Variants in ILDR1 observed in about 807,000 individuals in gnomAD.
ILDR1 encodes immunoglobulin-like domain-containing receptor 1.
A neutral mutation model predicts 62.4 loss-of-function variants in ILDR1; 56 were observed. That is an observed-to-expected ratio of 0.90 (90% CI 0.72 to 1.12). The LOEUF is 1.12. ILDR1 is among the 50% of genes most tolerant of loss of function. The probability of loss-of-function intolerance (pLI) is 0.00; values close to 1 mark genes in which losing one functional copy is unlikely to be tolerated. For synonymous variants in ILDR1, 284 were observed against 277.8 expected, an observed-to-expected ratio of 1.02 and a Z score of -0.22; for missense variants, 736 against 710.6, an observed-to-expected ratio of 1.04 and a Z score of -0.41.
chr3:122,049,517 T>C, the ILDR1 span, among the ~76,000 whole-genome samples: 1 of 152,232 alleles, frequency 6.6e-6, no homozygotes, highest in African/African-American at 2.4e-5. Flanking sequence ...ATTTCTCCCT[T>C]CAGTTCTGCC....
the ILDR1 span, among the ~76,000 whole-genome samples, chr3:122,059,559 A>T: frequency 6.6e-6 from 1 of 151,994 alleles, no homozygotes; most frequent in African/African-American, 2.4e-5. Flanking sequence ...AAAGAAAGAA[A>T]TCAAGTGGGG....
rs560987907 is a variant in ILDR1, at chr3:122,008,942, C to CT, written c.59-1782dup. On this transcript the variant is annotated intron_variant, in intron 1 of 7. Transcript: ENST00000344209. Reference sequence around the variant, plus strand: ...TTTTTCTTTCTTTCTTTCTTTTTTTCTTTTTTTTTGAGATACAGTCTTGCT... The same window carrying CT: ...TTTTTCTTTCTTTCTTTCTTTTTTTCTTTTTTTTTTGAGATACAGTCTTGCT... Among the ~76,000 whole-genome samples, 233 of 149,084 alleles carry CT rather than the reference C, an allele frequency of 1.6e-3. 3 individuals are homozygous for CT. The highest frequency in any genetic ancestry group is 6.3e-3 in the East Asian group (32 of 5,074).
chr3:122,006,882 T>C lies in ILDR1; in HGVS notation c.229+109A>G. 2.5e-6 allele frequency: 3 copies of C among 1,193,552 alleles called. No homozygotes were observed. In the East Asian group the frequency reaches 7.7e-5, roughly 30 times the overall value. The allele number at this position is 1,193,552 out of a possible 1,614,324, so 73.9% of individuals were successfully genotyped here. A position where few individuals can be genotyped will look rare whatever the true frequency, so the allele number is the denominator to read the frequency against. ...ACTACATTAGGTGATCTTTGTGTCTTCTCCTCACTACCAAGATTTGTAATC... is the reference window on the plus strand; with the variant it reads ...ACTACATTAGGTGATCTTTGTGTCTCCTCCTCACTACCAAGATTTGTAATC... On this transcript the variant is annotated intron_variant, in intron 2 of 7. Transcript: ENST00000344209.
chr3:121,988,530 G>T, intron 7 of ILDR1, 122 bp from the exon 8 acceptor site: 1 of 763,340 alleles, frequency 1.3e-6, no homozygotes, highest in Non-Finnish European at 2.3e-6. Context: ...CAGGACAGCA[G>T]ATCTGAACCT....
chr3:122,047,969 GC>G, the ILDR1 span, among the ~76,000 whole-genome samples: 1 of 152,200 alleles, frequency 6.6e-6, no homozygotes, highest in South Asian at 2.1e-4. Context: ...CAATTGTTTG[GC>G]TAGGGCATCC....
chr3:122,021,963 C>A (rs2071862521), intron 1 of ILDR1, 57 bp downstream of exon 1: 1 of 1,539,290 alleles, frequency 6.5e-7, no homozygotes, highest in South Asian at 1.2e-5. Flanking sequence ...AAGGCCACGC[C>A]ACAATGGCTT....
chr3:122,056,482 C>T, the ILDR1 span, among the ~76,000 whole-genome samples: 1 of 152,112 alleles, frequency 6.6e-6, no homozygotes, highest in Non-Finnish European at 1.5e-5. Context: ...CTACAGGCGC[C>T]CACCACCACG....
intron 1 of ILDR1, among the ~76,000 whole-genome samples, chr3:122,017,353 T>A (rs1361905297): frequency 1.3e-5 from 2 of 152,030 alleles, no homozygotes; most frequent in Non-Finnish European, 2.9e-5. Flanking sequence ...CCGGCCAGAG[T>A]CTTCTCAATT....
intron 2 of ILDR1, among the ~76,000 whole-genome samples, chr3:122,006,147 C>G (rs1334590154): frequency 6.6e-6 from 1 of 152,138 alleles, no homozygotes; most frequent in Non-Finnish European, 1.5e-5. Context: ...AGGTTCTACT[C>G]AAATCATATT....
chr3:122,040,080 C>T, the ILDR1 span, among the ~76,000 whole-genome samples: 1 of 151,644 alleles, frequency 6.6e-6, no homozygotes, highest in Non-Finnish European at 1.5e-5. Flanking sequence ...TACATAATTG[C>T]CCCCAAGCTG....
At chr3:121,994,134 G>A (rs1244810112) in intron 6 of ILDR1, 48 bp downstream of exon 6, 3 of 1,531,186 alleles carry the variant, frequency 2.0e-6, no homozygotes, top group South Asian at 1.2e-5. Flanking sequence ...CCATGTTCCC[G>A]CCCTTGCCCT....
At chr3:121,994,134 G>T (rs1244810112) in intron 6 of ILDR1, 48 bp downstream of exon 6, 3 of 1,531,184 alleles carry the variant, frequency 2.0e-6, no homozygotes, top group Non-Finnish European at 1.7e-6. Context: ...CCATGTTCCC[G>T]CCCTTGCCCT....
chr3:121,997,987 A>G (rs748356414), intron 5 of ILDR1, among the ~76,000 whole-genome samples: 2 of 152,188 alleles, frequency 1.3e-5, no homozygotes, highest in African/African-American at 4.8e-5. Flanking sequence ...GATGTGATCA[A>G]AGAAGTTCAA....
intron 7 of ILDR1, among the ~76,000 whole-genome samples, chr3:121,988,772 A>G (rs2071292921): frequency 6.6e-6 from 1 of 152,254 alleles, no homozygotes; most frequent in African/African-American, 2.4e-5. Context: ...ATTCATGAAG[A>G]CATTGCTCAG....
At position 122,022,041 on chromosome 3, in the gene ILDR1, G is replaced by C. The variant is rs746304207; in HGVS notation, c.37C>G (p.Leu13Val). The C allele has an allele frequency of 6.2e-7, 1 of 1,611,800 alleles. No individual in the cohort carries two copies. Among genetic ancestry groups the C allele is most frequent in the South Asian group, 1.1e-5 (1 of 90,372 alleles). The change falls in exon 1 of 8, where the codon CTC (leucine) becomes GTC (valine). Residue 13 changes from leucine to valine, a missense_variant. Transcript: ENST00000344209. ...WPKLPAPWLL[L>V]CTWLPAGCLS... ...TCACCTGCTGGGAGCCAGGTGCAGA[G>C]CAGCAGCCAAGGTGCGGGCAGTTTG...
At chr3:122,045,035 G>T in the ILDR1 span, among the ~76,000 whole-genome samples, 16 of 151,742 alleles carry the variant, frequency 1.1e-4, no homozygotes, top group African/African-American at 1.5e-4. Flanking sequence ...GATGTTTCCT[G>T]CTTTCTCTTG....
intron 7 of ILDR1, among the ~76,000 whole-genome samples, chr3:121,988,959 G>A (rs1339418571): frequency 6.6e-6 from 1 of 151,858 alleles, no homozygotes; most frequent in Admixed American, 6.6e-5. Context: ...TTGGTCTTTG[G>A]GCTTTTTCCA....
chr3:122,012,024 G>A (rs1296295716), intron 1 of ILDR1, among the ~76,000 whole-genome samples: 3 of 152,118 alleles, frequency 2.0e-5, no homozygotes, highest in Non-Finnish European at 1.5e-5. Flanking sequence ...GAAGTCAGGC[G>A]CCAGGCTCTT....
At chr3:121,997,656 C>T (rs1559873405) in intron 5 of ILDR1, among the ~76,000 whole-genome samples, 1 of 152,188 alleles carries the variant, frequency 6.6e-6, no homozygotes, top group African/African-American at 2.4e-5. Context: ...ACTTCACTTC[C>T]CTCAGCTGTG....
Sources: gnomAD v4.1 joint callset for allele counts (sites outside exome capture counted in the v4.1 genomes callset) on GRCh38, gnomAD v4.1.1 for gene constraint, MANE v1.5 for transcripts, NCBI Gene and HGNC (gene_info 2026-07-23, HGNC 2026-07-21) for gene names.